C12orf56: variants seen among roughly 807,000 people sequenced by gnomAD.
C12orf56 encodes chromosome 12 open reading frame 56, also known as uncharacterized protein C12orf56.
In C12orf56, 71 loss-of-function variants were observed where a neutral mutation model predicts 69.9. The observed-to-expected ratio is 1.02, with a 90% CI of 0.84 to 1.24. C12orf56 has a LOEUF of 1.24. C12orf56 is among the 50% of genes most tolerant of loss of function. The pLI is 0.00. For missense variants in C12orf56, 732 were observed against 738.5 expected (o/e 0.99, Z 0.10); for synonymous variants, 276 against 274.1 (o/e 1.01, Z -0.07).
intron 2 of C12orf56, among the ~76,000 whole-genome samples, chr12:64,349,599 C>T (rs540587457): frequency 2.5e-4 from 38 of 152,266 alleles, no homozygotes; most frequent in African/African-American, 7.0e-4. Flanking sequence ...TGCAAAATTG[C>T]GGAACCAACC....
Position 64,298,466 on chromosome 12 carries a change from C to T in C12orf56, c.1113+5169G>A, listed in dbSNP as rs183356659. ...ATGAAGTCTTTGCCCATGCCTGTGT[C>T]CTGAATGGTATTGCCTAGGTTTTCT... is the stretch of plus-strand genomic sequence containing the variant. On this transcript the variant is annotated intron_variant, in intron 6 of 12. Transcript: ENST00000543942. Among the ~76,000 whole-genome samples the T allele has an allele frequency of 9.0e-3, 1,364 of 152,270 alleles. 15 individuals carry two copies. The highest frequency in any genetic ancestry group is 0.017 in the Middle Eastern group (5 of 294).
In C12orf56 at chr12:64,371,500, A is replaced by G. The variant is rs560575212; in HGVS notation, c.253-18444T>C. On this transcript the variant is annotated intron_variant, in intron 1 of 12. Coordinates refer to ENST00000543942, the MANE Select transcript of C12orf56 (RefSeq NM_001170633.2). ...AACTCAAAATGGATTAAAGACTTAA[A>G]TGTTAAGAACTGAAATTGTAAAACT... is the stretch of plus-strand genomic sequence containing the variant. 3.3e-5 allele frequency among the ~76,000 whole-genome samples: 5 copies of G among 152,212 alleles called. No individual in the cohort carries two copies. In the East Asian group the frequency reaches 7.7e-4, roughly 24 times the overall value.
At chr12:64,364,672 A>C (rs11175365) in intron 1 of C12orf56, among the ~76,000 whole-genome samples, 42,163 of 151,982 alleles carry the variant, frequency 0.28, 6,139 homozygotes, top group Middle Eastern at 0.48. Flanking sequence ...ATTTCATCCC[A>C]TGCACCTTTT....
chr12:64,359,540 C>A (rs916843302), intron 1 of C12orf56, among the ~76,000 whole-genome samples: 2 of 151,960 alleles, frequency 1.3e-5, no homozygotes, highest in East Asian at 1.9e-4. Context: ...AAGATCACAG[C>A]GTGTTTGTGA....
intron 3 of C12orf56, among the ~76,000 whole-genome samples, chr12:64,326,445 A>G (rs182953747): frequency 6.6e-6 from 1 of 152,306 alleles, no homozygotes; most frequent in Admixed American, 6.5e-5. Context: ...AATTATCACA[A>G]TGTTCTGGGC....
chr12:64,274,869 G>A (rs1473255442), intron 11 of C12orf56, 32 bp downstream of exon 11: 1 of 1,513,776 alleles, frequency 6.6e-7, no homozygotes, highest in East Asian at 2.3e-5. Flanking sequence ...TTAGGCTTGG[G>A]GGTGATTTCG....
intron 6 of C12orf56, among the ~76,000 whole-genome samples, chr12:64,298,436 T>C (rs1364054346): frequency 6.6e-6 from 1 of 152,254 alleles, no homozygotes; most frequent in African/African-American, 2.4e-5. Context: ...TTTGATGTTT[T>C]AGATATGAAG....
intron 1 of C12orf56, among the ~76,000 whole-genome samples, chr12:64,381,263 T>C (rs1592505541): frequency 6.6e-6 from 1 of 152,250 alleles, no homozygotes; most frequent in Non-Finnish European, 1.5e-5. Flanking sequence ...GTTTATCCTG[T>C]CTGCGTGGTG....
rs190343925 is a variant in C12orf56 at position 64,352,821 on chromosome 12, C to T, written c.415+73G>A. ...CTGAACTAAGAAGCAAAATATCCTG[C>T]ATCAATTTTAAGAAATATATATATA... On this transcript the variant is annotated intron_variant, in intron 2 of 12. Coordinates refer to ENST00000543942, the MANE Select transcript of C12orf56 (RefSeq NM_001170633.2). 4,355 of 1,316,198 alleles carry T rather than the reference C, an allele frequency of 3.3e-3. 10 individuals are homozygous for T. Among genetic ancestry groups the T allele is most frequent in the Admixed American group, 4.5e-3 (137 of 30,116 alleles). 81.5% of individuals were successfully genotyped at this position (1,316,198 alleles called of 1,614,324 possible). A position where few individuals can be genotyped will look rare whatever the true frequency, so the allele number is the denominator to read the frequency against.
chr12:64,293,896 C>T, intron 6 of C12orf56, among the ~76,000 whole-genome samples: 1 of 152,174 alleles, frequency 6.6e-6, no homozygotes, highest in Non-Finnish European at 1.5e-5. Flanking sequence ...CACAAGGTGA[C>T]ATTCTGGAGT....
intron 6 of C12orf56, among the ~76,000 whole-genome samples, chr12:64,287,028 G>A (rs1304187360): frequency 6.6e-6 from 1 of 152,108 alleles, no homozygotes; most frequent in African/African-American, 2.4e-5. Context: ...CTTGAGGTCA[G>A]GAGTTCGAAA....
chr12:64,270,763 AG>A (rs1266407665), intron 11 of C12orf56, 49 bp from the exon 12 acceptor site: 2 of 1,480,916 alleles, frequency 1.4e-6, no homozygotes, highest in East Asian at 4.6e-5. Context: ...CACCCACAAA[AG>A]CAACTATTTC....
At chr12:64,302,437 T>C (rs138032523) in intron 6 of C12orf56, among the ~76,000 whole-genome samples, 144 of 152,306 alleles carry the variant, frequency 9.5e-4, no homozygotes, top group African/African-American at 3.3e-3. Context: ...CAAACCAAAA[T>C]GGTCACCCTA....
At chr12:64,345,343 G>A (rs1161419858) in intron 2 of C12orf56, among the ~76,000 whole-genome samples, 1 of 152,112 alleles carries the variant, frequency 6.6e-6, no homozygotes, top group Non-Finnish European at 1.5e-5. Flanking sequence ...AGGCAAAGGT[G>A]GAAAGACTGA....
At chr12:64,275,093 G>A (rs2038033832) in intron 10 of C12orf56, 118 bp from the exon 11 acceptor site, 15 of 1,079,978 alleles carry the variant, frequency 1.4e-5, no homozygotes, top group South Asian at 5.0e-5. Context: ...AATCAGTTTT[G>A]GAAAATAAAC....
At chr12:64,303,849 T>C in intron 5 of C12orf56, 70 bp from the exon 6 acceptor site, 1 of 1,470,590 alleles carries the variant, frequency 6.8e-7, no homozygotes, top group Non-Finnish European at 9.0e-7. Context: ...ATATCAATGA[T>C]TACTGTCAGG....
chr12:64,320,638 C>A (rs2038759298), intron 3 of C12orf56, among the ~76,000 whole-genome samples: 1 of 152,174 alleles, frequency 6.6e-6, no homozygotes, highest in African/African-American at 2.4e-5. Flanking sequence ...GTTGGAGAAA[C>A]TAAGAAGTTG....
intron 2 of C12orf56, among the ~76,000 whole-genome samples, chr12:64,334,086 T>C (rs2136870388): frequency 6.6e-6 from 1 of 152,316 alleles, no homozygotes; most frequent in East Asian, 1.9e-4. Context: ...ACAATGCATA[T>C]CTGATGGAAT....
intron 1 of C12orf56, among the ~76,000 whole-genome samples, chr12:64,379,809 C>A (rs12316481): frequency 1.3e-5 from 2 of 150,176 alleles, no homozygotes; most frequent in African/African-American, 2.5e-5. Context: ...ATAAGCCGGG[C>A]GCAGTGGCTC....
Sources: allele counts gnomAD v4.1 joint callset (sites outside exome capture counted in the v4.1 genomes callset), GRCh38; gene constraint gnomAD v4.1.1; transcripts MANE v1.5; gene names NCBI Gene and HGNC (gene_info 2026-07-23, HGNC 2026-07-21).